FDX1: variants seen among roughly 807,000 people sequenced by gnomAD.
The protein encoded by FDX1 is ferredoxin 1.
In FDX1, 9 loss-of-function variants were observed where a neutral mutation model predicts 14.9. The observed-to-expected ratio is 0.60, with a 90% confidence interval of 0.36 to 1.05. The LOEUF is 1.05. FDX1 is among the 50% of genes least tolerant of loss of function. The probability of loss-of-function intolerance (pLI) is 0.01; values close to 1 mark genes in which losing one functional copy is unlikely to be tolerated. For missense variants in FDX1, 204 were observed against 237.2 expected, an observed-to-expected ratio of 0.86 and a Z score of 0.92; for synonymous variants, 92 against 99.4, an observed-to-expected ratio of 0.93 and a Z score of 0.44.
intron 2 of FDX1, among the ~76,000 whole-genome samples, chr11:110,447,442 G>C (rs1946458921): frequency 6.6e-6 from 1 of 152,078 alleles, no homozygotes; most frequent in Non-Finnish European, 1.5e-5. Flanking sequence ...AGCAAAGTGA[G>C]ACTCCTTCAA....
chr11:110,449,817 G>A (rs1946474703), intron 2 of FDX1, among the ~76,000 whole-genome samples: 1 of 152,062 alleles, frequency 6.6e-6, no homozygotes, highest in Non-Finnish European at 1.5e-5. Context: ...TAGTAAAGAT[G>A]GGGTTTCACC....
chr11:110,459,081 A>C (rs180687014), intron 3 of FDX1, among the ~76,000 whole-genome samples: 5 of 152,270 alleles, frequency 3.3e-5, no homozygotes, highest in African/African-American at 9.6e-5. Context: ...GAGGTCACCA[A>C]CTGCTTGCGG....
rs937446821 is a variant in FDX1, at chr11:110,462,341, C to T, written c.441-13C>T. 6 of 1,522,184 alleles carry T rather than the reference C, an allele frequency of 3.9e-6. No homozygotes were observed. The African/African-American group carries it at 6.8e-5, about 17-fold the overall frequency. The allele number at this position is 1,522,184 out of a possible 1,614,324, so 94.3% of individuals were successfully genotyped here. A position where few individuals can be genotyped will look rare whatever the true frequency, so the allele number is the denominator to read the frequency against. ...CGTAATACTAAACCATACCTTCCCC[C>T]TTTTCCATACAGATCACGGTTGGGC... On this transcript the variant is annotated splice_polypyrimidine_tract_variant and intron_variant, in intron 3 of 3. Transcript: ENST00000260270.
Position 110,462,560 on chromosome 11 carries a change from A to C in FDX1, c.*92A>C. The C allele has an allele frequency of 1.7e-6, 1 of 573,416 alleles. No homozygotes were observed. Among genetic ancestry groups the C allele is most frequent in the South Asian group, 4.0e-5 (1 of 24,854 alleles). The allele number at this position is 573,416 out of a possible 1,614,324, so 35.5% of individuals were successfully genotyped here. A position where few individuals can be genotyped will look rare whatever the true frequency, so the allele number is the denominator to read the frequency against. ...ATTAAATGAGAACATGGATGAGTGG[A>C]CTTCATATTATGACTAGCTTTACTA... On this transcript the variant is annotated 3_prime_UTR_variant, in exon 4 of 4. Coordinates refer to ENST00000260270, the MANE Select transcript of FDX1 (RefSeq NM_004109.5).
At chr11:110,437,080 C>T (rs879937933) in intron 2 of FDX1, among the ~76,000 whole-genome samples, 8 of 152,170 alleles carry the variant, frequency 5.3e-5, no homozygotes, top group Non-Finnish European at 8.8e-5. Context: ...ACTGCAGCCT[C>T]GACCTCCTGG....
rs1206581223 is a variant in FDX1 at position 110,463,252 on chromosome 11, C to A, written c.*784C>A. 1.3e-5 allele frequency: 2 copies of A among 152,142 alleles called. No individual in the cohort carries two copies. The allele number at this position is 152,142 out of a possible 1,614,324, so 9.4% of individuals were successfully genotyped here. On this transcript the variant is annotated 3_prime_UTR_variant, in exon 4 of 4. Transcript: ENST00000260270. ...ATCTCTGCCTATAACAGAATGGAAA[C>A]CTTATGAATGAATTGTGTTTCTCTG...
At position 110,434,334 on chromosome 11, in the gene FDX1, ATTTTTT is replaced by A. The variant is rs1555068018; in HGVS notation, c.186-1486_186-1481del. On this transcript the variant is annotated intron_variant, in intron 1 of 3. Coordinates refer to ENST00000260270, the MANE Select transcript of FDX1 (RefSeq NM_004109.5). ...CACTGGAAAAGCAATCGCCCTATTG[ATTTTTT>A]TTTTTTTTTTTTTGGAGACAGAGTT... Among the ~76,000 whole-genome samples, 25 of 126,380 alleles carry A rather than the reference ATTTTTT, an allele frequency of 2.0e-4. 1 individual carries two copies. Among genetic ancestry groups the A allele is most frequent in the South Asian group, 2.5e-4 (1 of 3,942 alleles). The allele number at this position is 126,380 out of a possible 152,430, so 82.9% of individuals were successfully genotyped here. A position where few individuals can be genotyped will look rare whatever the true frequency, so the allele number is the denominator to read the frequency against.
intron 2 of FDX1, among the ~76,000 whole-genome samples, chr11:110,445,228 T>A (rs1019676025): frequency 6.6e-6 from 1 of 152,240 alleles, no homozygotes; most frequent in Non-Finnish European, 1.5e-5. Context: ...TACATGAAGT[T>A]ACATATTCTC....
At chr11:110,446,091 C>T (rs1380539049) in intron 2 of FDX1, among the ~76,000 whole-genome samples, 1 of 151,984 alleles carries the variant, frequency 6.6e-6, no homozygotes, top group East Asian at 1.9e-4. Context: ...GACATGTCCA[C>T]AAATCTTTGT....
chr11:110,435,533 A>G (rs1946362587), intron 1 of FDX1, among the ~76,000 whole-genome samples: 1 of 152,192 alleles, frequency 6.6e-6, no homozygotes, highest in Non-Finnish European at 1.5e-5. Flanking sequence ...TTTGATTTCC[A>G]AATAAGCTTT....
intron 2 of FDX1, among the ~76,000 whole-genome samples, chr11:110,439,225 C>T (rs982893557): frequency 2.6e-5 from 4 of 151,452 alleles, no homozygotes; most frequent in African/African-American, 7.3e-5. Context: ...CCCCCAACCC[C>T]GAGACGGAGT....
chr11:110,444,705 CGTATATATATATATATACGT>C (rs1565381953), intron 2 of FDX1, among the ~76,000 whole-genome samples: 481 of 36,654 alleles, frequency 0.013, 34 homozygotes, highest in African/African-American at 0.05. Context: ...TATATATATA[CGTATATATATATATATACGT>C]ATATATATAT....
rs1565381818 is a variant in FDX1, at chr11:110,444,677, TATATATACAC to T, written c.310+8720_310+8729del. ...ATATATATATATACGTATATATATA[TATATATACAC>T]GTATATATATATATATACGTATATA... On this transcript the variant is annotated intron_variant, in intron 2 of 3. Coordinates refer to ENST00000260270, the MANE Select transcript of FDX1 (RefSeq NM_004109.5). Among the ~76,000 whole-genome samples the T allele has an allele frequency of 1.5e-3, 116 of 76,450 alleles. 6 individuals carry two copies. The East Asian group carries it at 0.02, about 13-fold the overall frequency. The allele number at this position is 76,450 out of a possible 152,430, so 50.2% of individuals were successfully genotyped here.
At chr11:110,462,091 G>A (rs962598740) in intron 3 of FDX1, among the ~76,000 whole-genome samples, 2 of 152,110 alleles carry the variant, frequency 1.3e-5, no homozygotes, top group East Asian at 1.9e-4. Flanking sequence ...GTAGTGGTCT[G>A]GTGAAACAGT....
Position 110,449,879 on chromosome 11 carries a change from C to T in FDX1, c.311-7039C>T, listed in dbSNP as rs372317964. On this transcript the variant is annotated intron_variant, in intron 2 of 3. Coordinates refer to ENST00000260270, the MANE Select transcript of FDX1 (RefSeq NM_004109.5). ...CTGACCTCAAACAGTTTGCCTGCCT[C>T]GGCCTCCCAAAGTACTGGGATTACA... Among the ~76,000 whole-genome samples the T allele has an allele frequency of 2.6e-3, 397 of 152,322 alleles. 3 individuals are homozygous for T. The highest frequency in any genetic ancestry group is 8.1e-3 in the African/African-American group (336 of 41,580).
At chr11:110,462,258 T>G (rs1946560822) in intron 3 of FDX1, 96 bp from the exon 4 acceptor site, 2 of 603,506 alleles carry the variant, frequency 3.3e-6, no homozygotes, top group Non-Finnish European at 5.7e-6. Flanking sequence ...CTGACTGCTT[T>G]GGGTAAGAAA....
intron 2 of FDX1, among the ~76,000 whole-genome samples, chr11:110,436,821 A>G (rs1946373031): frequency 6.6e-6 from 1 of 152,014 alleles, no homozygotes; most frequent in Admixed American, 6.5e-5. Context: ...TTCCCATGAT[A>G]TATTAAATCT....
At chr11:110,431,853 C>T (rs1946334117) in intron 1 of FDX1, among the ~76,000 whole-genome samples, 1 of 152,200 alleles carries the variant, frequency 6.6e-6, no homozygotes, top group Non-Finnish European at 1.5e-5. Flanking sequence ...TCTTATCATT[C>T]CTCTTACAGA....
intron 2 of FDX1, among the ~76,000 whole-genome samples, chr11:110,443,032 G>T (rs1214309434): frequency 6.6e-6 from 1 of 152,184 alleles, no homozygotes; most frequent in Non-Finnish European, 1.5e-5. Context: ...GATGTGACTT[G>T]TTCCTCGTTG....
Sources: gnomAD v4.1 joint callset for allele counts (sites outside exome capture counted in the v4.1 genomes callset) on GRCh38, gnomAD v4.1.1 for gene constraint, MANE v1.5 for transcripts, NCBI Gene and HGNC (gene_info 2026-07-23, HGNC 2026-07-21) for gene names.